AGR3: variants seen among roughly 807,000 people sequenced by gnomAD.
The protein encoded by AGR3 is anterior gradient 3, protein disulphide isomerase family member, also known as anterior gradient protein 3.
A neutral mutation model predicts 24.5 loss-of-function variants in AGR3; 37 were observed. That is an observed-to-expected ratio of 1.51 (90% confidence interval 1.16 to 1.99). AGR3 has a LOEUF of 1.99. Among genes scored for constraint, AGR3 ranks in the 30% most tolerant of loss-of-function variants. The pLI, the probability that AGR3 is intolerant of heterozygous loss-of-function variation, is 0.00. For synonymous variants in AGR3, 75 were observed against 61.6 expected (o/e 1.22, Z -1.02); for missense variants, 228 against 191.1 (o/e 1.19, Z -1.14).
At chr7:16,860,351 T>C in intron 7 of AGR3, 149 bp downstream of exon 7, 2 of 588,656 alleles carry the variant, frequency 3.4e-6, no homozygotes, top group Middle Eastern at 4.0e-4. Flanking sequence ...AAATTCTGAT[T>C]TTGGTGGGAG....
At chr7:16,868,420 G>T (rs1781802382) in intron 3 of AGR3, among the ~76,000 whole-genome samples, 1 of 152,200 alleles carries the variant, frequency 6.6e-6, no homozygotes, top group Non-Finnish European at 1.5e-5. Flanking sequence ...CTCCCAAAGT[G>T]CTGGGATTAC....
chr7:16,880,507 CCTCTT>C (rs1782092498), intron 1 of AGR3, among the ~76,000 whole-genome samples: 1 of 25,396 alleles, frequency 3.9e-5, no homozygotes, highest in African/African-American at 1.3e-4. Context: ...CCTTTCCCCT[CCTCTT>C]TCCCCTCCTC....
chr7:16,862,890 G>A (rs754393542), intron 3 of AGR3, among the ~76,000 whole-genome samples: 200 of 152,230 alleles, frequency 1.3e-3, no homozygotes, highest in Non-Finnish European at 2.4e-3. Context: ...CAAAGGCTCC[G>A]TTCCCAAATC....
At chr7:16,877,474 T>G (rs1406320402) in intron 2 of AGR3, among the ~76,000 whole-genome samples, 1 of 151,724 alleles carries the variant, frequency 6.6e-6, no homozygotes, top group Non-Finnish European at 1.5e-5. Context: ...AATGGTCAAG[T>G]ACTTTGTGGT....
At chr7:16,858,687 A>G (rs1240031097), downstream of AGR3, among the ~76,000 whole-genome samples, 2 of 152,072 alleles carry the variant, frequency 1.3e-5, no homozygotes, top group Non-Finnish European at 2.9e-5. Context: ...CCTGGCCAAC[A>G]TGGTGAAACC....
At chr7:16,860,853 C>T (rs2115403051) in intron 6 of AGR3, among the ~76,000 whole-genome samples, 1 of 152,242 alleles carries the variant, frequency 6.6e-6, no homozygotes, top group African/African-American at 2.4e-5. Flanking sequence ...CTCTTTATGT[C>T]CATGTGTAAC....
At chr7:16,858,350 T>C (rs1274566810), downstream of AGR3, among the ~76,000 whole-genome samples, 1 of 152,114 alleles carries the variant, frequency 6.6e-6, no homozygotes, top group Admixed American at 6.5e-5. Flanking sequence ...GGATTTCTAT[T>C]AGCAGGATTT....
intron 3 of AGR3, chr7:16,866,457 A>G (rs1261835644): frequency 7.6e-6 from 2 of 263,138 alleles, no homozygotes; most frequent in African/African-American, 2.2e-5. Context: ...ATGATTTTGC[A>G]CATAGGTGGG....
intron 1 of AGR3, 123 bp from the exon 2 acceptor site, chr7:16,878,768 G>T: frequency 1.6e-6 from 1 of 629,940 alleles, no homozygotes; most frequent in Non-Finnish European, 2.7e-6. Flanking sequence ...GGTTTGACAT[G>T]GTATAACCAA....
At chr7:16,864,584 C>T in intron 3 of AGR3, 2 of 1,465,804 alleles carry the variant, frequency 1.4e-6, no homozygotes, top group South Asian at 1.1e-5. Flanking sequence ...GAAATCTGAG[C>T]TTGATTTCTC....
intron 2 of AGR3, 97 bp from the exon 3 acceptor site, chr7:16,873,940 A>G: frequency 1.1e-6 from 1 of 950,890 alleles, no homozygotes; most frequent in Non-Finnish European, 1.6e-6. Flanking sequence ...CAGATATTTA[A>G]CTAAGCCATC....
intron 3 of AGR3, among the ~76,000 whole-genome samples, chr7:16,869,842 C>G (rs1397123617): frequency 4.0e-5 from 6 of 151,572 alleles, no homozygotes; most frequent in African/African-American, 1.5e-4. Context: ...TTTATTATTG[C>G]TTTGTAAAAT....
chr7:16,874,710 A>C (rs2115314106), intron 2 of AGR3, among the ~76,000 whole-genome samples: 1 of 152,266 alleles, frequency 6.6e-6, no homozygotes, highest in Middle Eastern at 3.4e-3. Context: ...GGTAAATATG[A>C]TAGTAATTTG....
intron 3 of AGR3, among the ~76,000 whole-genome samples, chr7:16,866,782 C>G (rs576871270): frequency 1.2e-4 from 18 of 151,928 alleles, no homozygotes; most frequent in African/African-American, 3.9e-4. Context: ...GACTTGTTGA[C>G]CTTTTTCTTG....
rs1311098910 is a variant in AGR3, at chr7:16,878,659, A to G, written c.-27-14T>C. 2 of 1,526,504 alleles carry G rather than the reference A, an allele frequency of 1.3e-6. No individual in the cohort carries two copies. Among genetic ancestry groups the G allele is most frequent in the Non-Finnish European group, 9.1e-7 (1 of 1,102,854 alleles). The allele number at this position is 1,526,504 out of a possible 1,614,324, so 94.6% of individuals were successfully genotyped here. On this transcript the variant is annotated splice_polypyrimidine_tract_variant and intron_variant, in intron 1 of 7. Transcript: ENST00000310398. ...TCTCAGAAGAAGCTAGATGACAGAA[A>G]GGAATTCTCAGAATCCAGTGAATTA...
At chr7:16,875,062 C>T (rs1267545731) in intron 2 of AGR3, among the ~76,000 whole-genome samples, 1 of 150,360 alleles carries the variant, frequency 6.7e-6, no homozygotes, top group Non-Finnish European at 1.5e-5. Context: ...TTGCAGTGAG[C>T]CAAGATTGCG....
intron 2 of AGR3, among the ~76,000 whole-genome samples, chr7:16,875,723 C>T (rs1781975237): frequency 6.6e-6 from 1 of 152,014 alleles, no homozygotes; most frequent in Non-Finnish European, 1.5e-5. Context: ...ATATACTCAC[C>T]AGCAACATTT....
chr7:16,875,274 C>T (rs568429611), intron 2 of AGR3, among the ~76,000 whole-genome samples: 6 of 152,226 alleles, frequency 3.9e-5, no homozygotes, highest in South Asian at 2.1e-4. Context: ...TCTTCAAATG[C>T]CACAGCCCTA....
In AGR3 at chr7:16,866,829, C is replaced by T. The variant is rs541225485; in HGVS notation, c.174-4167G>A. On this transcript the variant is annotated intron_variant, in intron 3 of 7. Coordinates refer to ENST00000310398, the MANE Select transcript of AGR3 (RefSeq NM_176813.5). ...GAGTACGTTGTATATTAGAGAAAGT[C>T]ACCCTTCTAATATGTGCTGCAGTTT... is the stretch of plus-strand genomic sequence containing the variant. Among the ~76,000 whole-genome samples, 25 of 151,986 alleles carry T rather than the reference C, an allele frequency of 1.6e-4. No homozygotes were observed. In the South Asian group the frequency reaches 5.0e-3, roughly 30 times the overall value.
Sources: allele counts gnomAD v4.1 joint callset (sites outside exome capture counted in the v4.1 genomes callset), GRCh38; gene constraint gnomAD v4.1.1; transcripts MANE v1.5; gene names NCBI Gene and HGNC (gene_info 2026-07-23, HGNC 2026-07-21).